CAB39L: variants seen among roughly 807,000 people sequenced by gnomAD.
CAB39L encodes calcium-binding protein 39-like.
A neutral mutation model predicts 39.1 loss-of-function variants in CAB39L; 23 were observed. The observed-to-expected ratio is 0.59, with a 90% CI of 0.42 to 0.83. CAB39L has a LOEUF of 0.83. CAB39L is among the 40% of genes least tolerant of loss of function. The probability of loss-of-function intolerance (pLI) is 0.00; values close to 1 mark genes in which losing one functional copy is unlikely to be tolerated. For synonymous variants in CAB39L, 126 were observed against 137.2 expected, an observed-to-expected ratio of 0.92 and a Z score of 0.57; for missense variants, 366 against 391.9, an observed-to-expected ratio of 0.93 and a Z score of 0.56.
chr13:49,387,552 T>C (rs1033368464), intron 3 of CAB39L, among the ~76,000 whole-genome samples: 17 of 152,142 alleles, frequency 1.1e-4, no homozygotes, highest in East Asian at 1.9e-4. Context: ...GGACTGACAA[T>C]GGCCCTGTTA....
At chr13:49,315,385 G>A (rs1349852917) in intron 10 of CAB39L, among the ~76,000 whole-genome samples, 2 of 152,002 alleles carry the variant, frequency 1.3e-5, no homozygotes, top group Non-Finnish European at 2.9e-5. Context: ...ACAGCCATGG[G>A]GTGACAAGGA....
At chr13:49,338,274 G>A (rs1037846006) in intron 9 of CAB39L, among the ~76,000 whole-genome samples, 6 of 151,718 alleles carry the variant, frequency 4.0e-5, no homozygotes, top group Non-Finnish European at 8.8e-5. Flanking sequence ...ATGATAGACT[G>A]GATTAAGAAA....
intron 6 of CAB39L, 95 bp from the exon 7 acceptor site, chr13:49,351,007 G>T: frequency 1.2e-6 from 1 of 850,904 alleles, no homozygotes; most frequent in Non-Finnish European, 1.7e-6. Flanking sequence ...TGCTATTAAT[G>T]GAAGCATACA....
chr13:49,385,308 C>A (rs887592487), intron 3 of CAB39L, among the ~76,000 whole-genome samples: 1 of 152,254 alleles, frequency 6.6e-6, no homozygotes, highest in Admixed American at 6.5e-5. Flanking sequence ...TTACCTCTCT[C>A]AGCCTTCACA....
chr13:49,359,410 G>C (rs377268441), intron 6 of CAB39L, among the ~76,000 whole-genome samples: 4 of 152,116 alleles, frequency 2.6e-5, no homozygotes, highest in African/African-American at 9.7e-5. Context: ...TAAGTGGGCA[G>C]CTAGGAATAG....
At chr13:49,346,683 G>A (rs185614511) in intron 7 of CAB39L, among the ~76,000 whole-genome samples, 31 of 152,262 alleles carry the variant, frequency 2.0e-4, no homozygotes, top group Non-Finnish European at 2.8e-4. Context: ...GGAGTGTACC[G>A]AGCACTTTGC....
chr13:49,434,525 C>T (rs767736510), intron 1 of CAB39L, among the ~76,000 whole-genome samples: 4 of 151,944 alleles, frequency 2.6e-5, no homozygotes, highest in East Asian at 1.9e-4. Flanking sequence ...AATTTTCTTA[C>T]GTTATAGCCT....
chr13:49,440,464 GT>G (rs1369651776), intron 1 of CAB39L, among the ~76,000 whole-genome samples: 1 of 152,018 alleles, frequency 6.6e-6, no homozygotes, highest in Non-Finnish European at 1.5e-5. Context: ...CTATATGTCT[GT>G]TTTTGTACCA....
intron 5 of CAB39L, among the ~76,000 whole-genome samples, chr13:49,374,977 G>C (rs1956016038): frequency 6.6e-6 from 1 of 152,012 alleles, no homozygotes; most frequent in Non-Finnish European, 1.5e-5. Flanking sequence ...TATAAGAATA[G>C]GGAATCATTT....
intron 9 of CAB39L, among the ~76,000 whole-genome samples, chr13:49,333,940 C>A (rs956479341): frequency 6.6e-6 from 1 of 152,118 alleles, no homozygotes; most frequent in Admixed American, 6.5e-5. Context: ...TCACACTTAG[C>A]GTCTCTAAAA....
At chr13:49,316,918 A>T (rs1409573884) in intron 10 of CAB39L, among the ~76,000 whole-genome samples, 1 of 152,172 alleles carries the variant, frequency 6.6e-6, no homozygotes, top group Non-Finnish European at 1.5e-5. Flanking sequence ...GTGAAGATGG[A>T]AACAGAGATG....
intron 3 of CAB39L, among the ~76,000 whole-genome samples, chr13:49,395,677 TG>T (rs1017613145): frequency 6.6e-6 from 1 of 152,220 alleles, no homozygotes; most frequent in Non-Finnish European, 1.5e-5. Context: ...CTGTAGATTT[TG>T]TAGTAGATTT....
intron 3 of CAB39L, among the ~76,000 whole-genome samples, chr13:49,399,870 A>T (rs1353666650): frequency 6.6e-6 from 1 of 152,106 alleles, no homozygotes. Context: ...TATTATCTCT[A>T]TGATGTTTAC....
chr13:49,401,158 T>C (rs1956761456), intron 3 of CAB39L: 1 of 152,186 alleles, frequency 6.6e-6, no homozygotes. Flanking sequence ...TGCCTAGGCT[T>C]TTCTAAGCAA....
Position 49,391,451 on chromosome 13 carries a change from AT to A in CAB39L, c.-31-8511del, listed in dbSNP as rs1164504925. On this transcript the variant is annotated intron_variant, in intron 3 of 10. Transcript: ENST00000409308. ...GTTGATAATGTGTCTGTGATGCTTAATATGACTGCTAAAAATGTATTCCTGA... is the reference window on the plus strand; with the variant it reads ...GTTGATAATGTGTCTGTGATGCTTAAATGACTGCTAAAAATGTATTCCTGA... Among the ~76,000 whole-genome samples the A allele has an allele frequency of 2.0e-5, 3 of 152,354 alleles. No homozygotes were observed. The East Asian group carries it at 5.8e-4, about 29-fold the overall frequency.
intron 3 of CAB39L, among the ~76,000 whole-genome samples, chr13:49,415,747 T>TG (rs1310772543): frequency 6.6e-6 from 1 of 152,182 alleles, no homozygotes; most frequent in East Asian, 1.9e-4. Context: ...GGCAGGATGT[T>TG]GGTGTGTTTT....
chr13:49,371,586 G>A (rs1486346101), intron 5 of CAB39L, among the ~76,000 whole-genome samples: 5 of 151,994 alleles, frequency 3.3e-5, no homozygotes, highest in African/African-American at 1.2e-4. Context: ...TGATCCTGGA[G>A]TGTTTGTTTT....
chr13:49,350,833 T>C lies in CAB39L; in HGVS notation c.475A>G (p.Ile159Val). The C allele has an allele frequency of 1.2e-6, 2 of 1,612,834 alleles. No homozygotes were observed. Among genetic ancestry groups the C allele is most frequent in the Non-Finnish European group, 1.7e-6 (2 of 1,179,330 alleles). Reference sequence around the variant, plus strand: ...TCTCTGAATTGATTAGAAAAGAGGATGATTTTGGCAAGTGGTTCATGTCGA... The same window carrying C: ...TCTCTGAATTGATTAGAAAAGAGGACGATTTTGGCAAGTGGTTCATGTCGA... Reference protein sequence around the residue: ...CIRHEPLAKIILFSNQFRDFF... With the variant: ...CIRHEPLAKIVLFSNQFRDFF... The change falls in exon 7 of 11, where the codon ATC becomes GTC. Residue 159 changes from isoleucine to valine, a missense_variant. Coordinates refer to ENST00000409308, the MANE Select transcript of CAB39L (RefSeq NM_001079670.3).
chr13:49,332,214 G>C (rs1954721820), intron 9 of CAB39L, 124 bp from the exon 10 acceptor site: 1 of 1,166,838 alleles, frequency 8.6e-7, no homozygotes, highest in African/African-American at 1.5e-5. Flanking sequence ...AAAAAAATTA[G>C]AGTGTCCTTA....
Sources: gnomAD v4.1 joint callset for allele counts (sites outside exome capture counted in the v4.1 genomes callset) on GRCh38, gnomAD v4.1.1 for gene constraint, MANE v1.5 for transcripts, NCBI Gene and HGNC (gene_info 2026-07-23, HGNC 2026-07-21) for gene names.